FBLN7: variants seen among roughly 807,000 people sequenced by gnomAD.
FBLN7 encodes the protein fibulin-7.
A neutral mutation model predicts 44.0 loss-of-function variants in FBLN7; 31 were observed. The ratio of observed to expected loss-of-function variants is 0.70; its 90% CI spans 0.53 to 0.95. FBLN7 has a LOEUF of 0.95. FBLN7 is among the 40% of genes least tolerant of loss of function. The pLI, the probability that FBLN7 is intolerant of heterozygous loss-of-function variation, is 0.00. For synonymous variants in FBLN7, 262 were observed against 253.4 expected (o/e 1.03, Z -0.32); for missense variants, 573 against 618.5 (o/e 0.93, Z 0.78).
rs554732642 is a variant in FBLN7 at position 112,187,578 on chromosome 2, C to T, written c.*72C>T. 16 of 1,561,322 alleles carry T rather than the reference C, an allele frequency of 1.0e-5. No homozygotes were observed. Among genetic ancestry groups the T allele is most frequent in the East Asian group, 2.3e-5 (1 of 44,434 alleles). ...TCCCCGAAGGCTCAGCTTCGGGCAC[C>T]GACTGCGTGGAGCCTCCCGCCTGTT... On this transcript the variant is annotated 3_prime_UTR_variant, in exon 8 of 8. Transcript: ENST00000331203. The surrounding 1 kb of genome is among the most constrained non-coding windows in gnomAD (Gnocchi z 5.1).
the FBLN7 span, chr2:112,236,417 G>T: frequency 9.3e-7 from 1 of 1,069,814 alleles, no homozygotes; most frequent in Non-Finnish European, 1.3e-6. Flanking sequence ...CCCAGTGACA[G>T]TAAAAGGACA....
At chr2:112,169,963 A>G (rs1277278045) in intron 3 of FBLN7, among the ~76,000 whole-genome samples, 4 of 152,220 alleles carry the variant, frequency 2.6e-5, no homozygotes, top group Non-Finnish European at 5.9e-5. Flanking sequence ...AGAAGGGGCC[A>G]GGCGCGGTGG....
At chr2:112,201,858 G>A in the FBLN7 span, among the ~76,000 whole-genome samples, 9 of 152,208 alleles carry the variant, frequency 5.9e-5, no homozygotes, top group African/African-American at 1.9e-4. Flanking sequence ...AGCTACATGA[G>A]GAAGTTTAAA....
chr2:112,237,629 T>C, the FBLN7 span, among the ~76,000 whole-genome samples: 1 of 151,536 alleles, frequency 6.6e-6, no homozygotes, highest in Non-Finnish European at 1.5e-5. Context: ...CAGGTTGGAG[T>C]GCACTGTGTG....
chr2:112,196,203 G>A, the FBLN7 span, among the ~76,000 whole-genome samples: 1 of 152,102 alleles, frequency 6.6e-6, no homozygotes, highest in African/African-American at 2.4e-5. Context: ...AAGGTTGTCT[G>A]TTGCTCCAGC....
At chr2:112,218,741 A>G in the FBLN7 span, among the ~76,000 whole-genome samples, 7 of 152,306 alleles carry the variant, frequency 4.6e-5, no homozygotes, top group South Asian at 4.1e-4. Context: ...AAGGCTTCCC[A>G]TCAACAGTAG....
chr2:112,142,420 G>A (rs370032071), intron 1 of FBLN7, among the ~76,000 whole-genome samples: 2 of 152,176 alleles, frequency 1.3e-5, no homozygotes, highest in East Asian at 1.9e-4. Flanking sequence ...GGCTCCAGGG[G>A]CAGGGACCCA....
At chr2:112,174,054 GC>G (rs1249938490) in intron 3 of FBLN7, among the ~76,000 whole-genome samples, 2 of 152,246 alleles carry the variant, frequency 1.3e-5, no homozygotes, top group Non-Finnish European at 1.5e-5. Flanking sequence ...AGAGACCACA[GC>G]ACTGGCCCTA....
In FBLN7 at chr2:112,181,821, C is replaced by G; in HGVS notation, c.615C>G (p.Cys205Trp). 6.6e-7 allele frequency: 1 copy of G among 1,520,024 alleles called. No individual in the cohort carries two copies. Among genetic ancestry groups the G allele is most frequent in the Non-Finnish European group, 8.8e-7 (1 of 1,140,294 alleles). 94.2% of individuals were successfully genotyped at this position (1,520,024 alleles called of 1,614,324 possible). Residue 205 changes from cysteine (C) to tryptophan (W), a missense_variant, in exon 5 of 8, where the codon TGC (cysteine) becomes TGG (tryptophan). Physicochemically the swap from Cys to Trp is radical, Grantham distance 215. Coordinates refer to ENST00000331203, the MANE Select transcript of FBLN7 (RefSeq NM_153214.3). ...RCAQVERAQHCSCEAGFHLSG... is the reference protein window; with the variant it reads ...RCAQVERAQHWSCEAGFHLSG... ...CGCAGGTGGAGCGGGCTCAGCACTGCAGCTGCGAGGCCGGATTCCACCTGA... is the reference window on the plus strand; with the variant it reads ...CGCAGGTGGAGCGGGCTCAGCACTGGAGCTGCGAGGCCGGATTCCACCTGA...
downstream of FBLN7, among the ~76,000 whole-genome samples, chr2:112,192,969 T>C (rs571700794): frequency 1.3e-5 from 2 of 152,180 alleles, no homozygotes; most frequent in South Asian, 4.1e-4. Flanking sequence ...TGAAAAAACG[T>C]GTAATGTCAA....
the FBLN7 span, among the ~76,000 whole-genome samples, chr2:112,206,528 T>A: frequency 6.6e-6 from 1 of 152,162 alleles, no homozygotes; most frequent in Admixed American, 6.5e-5. Flanking sequence ...TTCAAGCAAT[T>A]CTTGTGCCTC....
chr2:112,219,688 G>A, the FBLN7 span, among the ~76,000 whole-genome samples: 2,157 of 151,986 alleles, frequency 0.014, 59 homozygotes, highest in African/African-American at 0.049. Flanking sequence ...TTTTATGCCC[G>A]GGTGTATGGT....
chr2:112,182,966 C>T (rs2104605843), intron 6 of FBLN7, 38 bp downstream of exon 6: 1 of 1,605,122 alleles, frequency 6.2e-7, no homozygotes, highest in African/African-American at 1.3e-5. Flanking sequence ...CACCCAGCCA[C>T]CTGCTGCTGT....
chr2:112,182,525 C>T (rs1166132787), intron 5 of FBLN7, among the ~76,000 whole-genome samples: 2 of 152,218 alleles, frequency 1.3e-5, no homozygotes, highest in Admixed American at 1.3e-4. Context: ...CAGCCTAAGA[C>T]AGTGATGCCT....
At chr2:112,234,008 T>G in the FBLN7 span, 2 of 638,894 alleles carry the variant, frequency 3.1e-6, no homozygotes, top group Non-Finnish European at 2.4e-6. Context: ...TTCTAACTGA[T>G]TTTTTTCCAG....
At chr2:112,169,685 C>T (rs769928895) in intron 3 of FBLN7, among the ~76,000 whole-genome samples, 1 of 152,198 alleles carries the variant, frequency 6.6e-6, no homozygotes, top group Non-Finnish European at 1.5e-5. Context: ...TCGAATCCCA[C>T]AGACACGACC....
At chr2:112,217,335 T>G in the FBLN7 span, among the ~76,000 whole-genome samples, 2 of 152,288 alleles carry the variant, frequency 1.3e-5, no homozygotes, top group East Asian at 3.9e-4. Context: ...ATCGTGCCAC[T>G]TCATTCAAGC....
the FBLN7 span, among the ~76,000 whole-genome samples, chr2:112,197,315 A>G: frequency 1.3e-5 from 2 of 151,582 alleles, no homozygotes; most frequent in African/African-American, 4.8e-5. Context: ...AGACAGAGAG[A>G]GAAACATGCA....
the FBLN7 span, among the ~76,000 whole-genome samples, chr2:112,202,852 C>G: frequency 6.6e-6 from 1 of 152,246 alleles, no homozygotes; most frequent in Middle Eastern, 3.4e-3. Flanking sequence ...AACTCCACCC[C>G]CCACTAAAAT....
Sources: allele counts gnomAD v4.1 joint callset (sites outside exome capture counted in the v4.1 genomes callset), GRCh38; gene constraint gnomAD v4.1.1; non-coding constraint Gnocchi (gnomAD v3.1); transcripts MANE v1.5; gene names NCBI Gene and HGNC (gene_info 2026-07-23, HGNC 2026-07-21).